Variants in RNF169 observed in about 807,000 individuals in gnomAD.
RNF169 encodes the protein ring finger protein 169, also known as E3 ubiquitin-protein ligase RNF169.
Under a neutral mutation model 53.9 loss-of-function variants are expected in RNF169, and 24 were observed. The ratio of observed to expected loss-of-function variants is 0.45; its 90% CI spans 0.32 to 0.63. The LOEUF is 0.63. RNF169 is among the 20% of genes least tolerant of loss of function. RNF169 has a pLI of 0.04. For synonymous variants in RNF169, 396 were observed against 363.5 expected (o/e 1.09, Z -1.02); for missense variants, 883 against 906.2 (o/e 0.97, Z 0.33).
intron 4 of RNF169, among the ~76,000 whole-genome samples, chr11:74,830,209 G>A (rs2036158006): frequency 6.6e-6 from 1 of 151,892 alleles, no homozygotes; most frequent in Non-Finnish European, 1.5e-5. Context: ...CAGAGAATAG[G>A]AAAACAGTAG....
chr11:74,793,987 G>GAT (rs900565592), intron 2 of RNF169, among the ~76,000 whole-genome samples: 12 of 151,936 alleles, frequency 7.9e-5, no homozygotes, highest in East Asian at 1.9e-4. Flanking sequence ...ATGAGATCAT[G>GAT]ATATATATAT....
chr11:74,808,681 A>G (rs190576281), intron 2 of RNF169, among the ~76,000 whole-genome samples: 76 of 152,342 alleles, frequency 5.0e-4, no homozygotes, highest in African/African-American at 1.4e-3. Flanking sequence ...GATAATTCCA[A>G]TGATGCTAAA....
At chr11:74,762,091 C>T (rs574563284) in intron 1 of RNF169, among the ~76,000 whole-genome samples, 1,495 of 144,672 alleles carry the variant, frequency 0.01, 27 homozygotes, top group African/African-American at 0.035. Context: ...TCCAGTTGAT[C>T]GCATCGGCTC....
chr11:74,800,001 GATCT>G (rs1402113369), intron 2 of RNF169, among the ~76,000 whole-genome samples: 3 of 150,072 alleles, frequency 2.0e-5, no homozygotes, highest in Admixed American at 6.7e-5. Flanking sequence ...TATTAATATA[GATCT>G]ATGTCAACAT....
At chr11:74,752,178 G>C (rs2034905617) in intron 1 of RNF169, among the ~76,000 whole-genome samples, 2 of 134,718 alleles carry the variant, frequency 1.5e-5, no homozygotes, top group Admixed American at 8.8e-5. Context: ...GTTGCAGTGA[G>C]CCAAGATTGC....
chr11:74,831,980 C>A (rs2036185868), intron 4 of RNF169: 1 of 152,100 alleles, frequency 6.6e-6, no homozygotes, highest in South Asian at 2.1e-4. Flanking sequence ...AACCTCATAC[C>A]ACATACAAAA....
intron 4 of RNF169, among the ~76,000 whole-genome samples, chr11:74,825,331 C>T (rs1054238795): frequency 4.6e-5 from 7 of 152,094 alleles, no homozygotes; most frequent in Non-Finnish European, 8.8e-5. Context: ...GGAAATGAAA[C>T]AACACGTTCT....
At chr11:74,761,671 C>A (rs1196898263) in intron 1 of RNF169, among the ~76,000 whole-genome samples, 3 of 152,142 alleles carry the variant, frequency 2.0e-5, no homozygotes, top group Non-Finnish European at 4.4e-5. Context: ...GGGTTTCTGC[C>A]GAGAGATCCG....
chr11:74,778,366 A>T (rs375890420), intron 1 of RNF169, among the ~76,000 whole-genome samples: 68 of 151,918 alleles, frequency 4.5e-4, no homozygotes, highest in African/African-American at 1.5e-3. Flanking sequence ...GTTATCACGA[A>T]TTTTTTTTCC....
chr11:74,793,966 CT>C lies in RNF169; in HGVS notation c.576+4269del, dbSNP rs1480679519. Among the ~76,000 whole-genome samples, 6 of 152,062 alleles carry C rather than the reference CT, an allele frequency of 3.9e-5. No individual in the cohort carries two copies. In the East Asian group the frequency reaches 1.2e-3, roughly 29 times the overall value. Reference sequence around the variant, plus strand: ...CAGACACATACATAAACACTTTAGTCTTCTGTATAAATGAGATCATGATATA... The same window carrying C: ...CAGACACATACATAAACACTTTAGTCTCTGTATAAATGAGATCATGATATA... On this transcript the variant is annotated intron_variant, in intron 2 of 5. Transcript: ENST00000299563.
At chr11:74,825,543 C>T (rs2036082391) in intron 4 of RNF169, among the ~76,000 whole-genome samples, 2 of 152,132 alleles carry the variant, frequency 1.3e-5, no homozygotes, top group Admixed American at 6.5e-5. Flanking sequence ...CAGGACAAGA[C>T]ATTCACAGCT....
At chr11:74,772,779 A>AT (rs947905757) in intron 1 of RNF169, among the ~76,000 whole-genome samples, 5 of 152,294 alleles carry the variant, frequency 3.3e-5, no homozygotes, top group Admixed American at 3.3e-4. Context: ...TAAGATTAGC[A>AT]TTTTTTTAAA....
At chr11:74,825,804 A>C (rs188847982) in intron 4 of RNF169, among the ~76,000 whole-genome samples, 49 of 152,352 alleles carry the variant, frequency 3.2e-4, no homozygotes, top group Non-Finnish European at 2.5e-4. Context: ...ATCTGTCATG[A>C]CCAAGTAGGC....
chr11:74,749,461 G>C, intron 1 of RNF169, 79 bp downstream of exon 1: 1 of 1,130,686 alleles, frequency 8.8e-7, no homozygotes, highest in Non-Finnish European at 1.1e-6. Flanking sequence ...GGGGTGGAGA[G>C]TCCCGGGCCC....
chr11:74,765,570 G>A (rs943524694), intron 1 of RNF169, among the ~76,000 whole-genome samples: 2 of 152,180 alleles, frequency 1.3e-5, no homozygotes, highest in Non-Finnish European at 2.9e-5. Flanking sequence ...GGAGGCCAAG[G>A]CGGGTGGATC....
intron 1 of RNF169, among the ~76,000 whole-genome samples, chr11:74,750,992 C>T (rs887569185): frequency 3.3e-5 from 5 of 150,842 alleles, no homozygotes; most frequent in South Asian, 2.1e-4. Flanking sequence ...CTCCTGCCTC[C>T]GCCCAGTAGC....
intron 2 of RNF169, among the ~76,000 whole-genome samples, chr11:74,790,219 T>G (rs901259219): frequency 2.0e-5 from 3 of 152,214 alleles, no homozygotes; most frequent in Admixed American, 6.5e-5. Flanking sequence ...GTTTTCAAAC[T>G]AATTGTCTGG....
At chr11:74,814,133 C>G (rs1019824425) in intron 3 of RNF169, among the ~76,000 whole-genome samples, 4 of 152,042 alleles carry the variant, frequency 2.6e-5, no homozygotes, top group Middle Eastern at 3.4e-3. Flanking sequence ...CCAGCCTGAC[C>G]AACATGGCAA....
intron 1 of RNF169, among the ~76,000 whole-genome samples, chr11:74,751,560 A>G (rs572837846): frequency 5.3e-5 from 8 of 152,332 alleles, no homozygotes; most frequent in East Asian, 1.9e-4. Flanking sequence ...GATTTGTGCA[A>G]ACTTTTTCCC....
Sources: gnomAD v4.1 joint callset for allele counts (sites outside exome capture counted in the v4.1 genomes callset) on GRCh38, gnomAD v4.1.1 for gene constraint, MANE v1.5 for transcripts, NCBI Gene and HGNC (gene_info 2026-07-23, HGNC 2026-07-21) for gene names.